Variants in DNAJB1 observed in about 807,000 individuals in gnomAD.
The protein encoded by DNAJB1 is dnaJ homolog subfamily B member 1.
DNAJB1 carries 14 observed loss-of-function variants against 24.0 expected under a neutral mutation model. That is an observed-to-expected ratio of 0.58 (90% CI 0.39 to 0.91). The LOEUF is 0.91. Among genes scored for constraint, DNAJB1 ranks in the 40% least tolerant of loss-of-function variants. The pLI is 0.00. For missense variants in DNAJB1, 517 were observed against 458.1 expected (o/e 1.13, Z -1.17); for synonymous variants, 262 against 174.4 (o/e 1.50, Z -3.96).
chr19:14,554,692 T>C (rs2073655833), upstream of DNAJB1, among the ~76,000 whole-genome samples: 1 of 152,108 alleles, frequency 6.6e-6, no homozygotes, highest in Non-Finnish European at 1.5e-5. Context: ...TCCTTCCCTG[T>C]ACCTCTCATC....
chr19:14,538,115 T>C (rs2072969741), intron 1 of DNAJB1, among the ~76,000 whole-genome samples: 1 of 152,184 alleles, frequency 6.6e-6, no homozygotes, highest in Admixed American at 6.5e-5. Flanking sequence ...GCTGTTCTTA[T>C]CTCTACTTGA....
At chr19:14,553,317 C>T (rs1375645751), upstream of DNAJB1, among the ~76,000 whole-genome samples, 1 of 152,174 alleles carries the variant, frequency 6.6e-6, no homozygotes, top group African/African-American at 2.4e-5. Flanking sequence ...GACCCTGGCA[C>T]CTCTCGTCTT....
intron 1 of DNAJB1, among the ~76,000 whole-genome samples, chr19:14,528,653 A>G (rs957974795): frequency 6.6e-6 from 1 of 150,778 alleles, no homozygotes; most frequent in African/African-American, 2.4e-5. Context: ...CAAAGTGTGG[A>G]GGGGGGCCGG....
At chr19:14,546,130 G>A (rs1472813205) in intron 1 of DNAJB1, among the ~76,000 whole-genome samples, 1 of 152,162 alleles carries the variant, frequency 6.6e-6, no homozygotes, top group Non-Finnish European at 1.5e-5. Context: ...TGCACCTGGG[G>A]TGGTCACAAA....
At chr19:14,529,422 G>T (rs377110354), upstream of DNAJB1, 2 of 604,858 alleles carry the variant, frequency 3.3e-6, no homozygotes, top group Non-Finnish European at 6.0e-6. Flanking sequence ...CCTCCTACAG[G>T]CGTTCCGCCC....
intron 1 of DNAJB1, chr19:14,517,766 G>A (rs2072298963): frequency 1.6e-5 from 3 of 190,896 alleles, no homozygotes; most frequent in East Asian, 2.5e-4. Flanking sequence ...GCGCCGCCCC[G>A]CGGACCCCGG....
intron 2 of DNAJB1, among the ~76,000 whole-genome samples, chr19:14,525,367 T>C (rs2072408572): frequency 6.6e-6 from 1 of 151,602 alleles, no homozygotes; most frequent in Non-Finnish European, 1.5e-5. Flanking sequence ...CATGAGCGAA[T>C]GTTTGCTGAG....
rs746727962 is a variant in DNAJB1 at position 14,516,447 on chromosome 19, G to GC, written c.792+18dup. The GC allele has an allele frequency of 6.2e-7, 1 of 1,605,706 alleles. No homozygotes were observed. Among genetic ancestry groups the GC allele is most frequent in the South Asian group, 1.1e-5 (1 of 90,520 alleles). On this transcript the variant is annotated intron_variant, in intron 2 of 2. Transcript: ENST00000254322. The stretch of plus-strand genomic sequence containing the variant: ...GCAGCCATCGCCCTCTACAGACACC[G>GC]CCCCACCTGGCACCTTACCTCCCGG...
At chr19:14,539,264 G>T (rs951701020) in intron 1 of DNAJB1, among the ~76,000 whole-genome samples, 1 of 148,690 alleles carries the variant, frequency 6.7e-6, no homozygotes, top group African/African-American at 2.5e-5. Flanking sequence ...AAAGTACTGG[G>T]ATTACAGGCG....
At position 14,543,407 on chromosome 19, in the gene DNAJB1, ATATATATATATATTTTTTTTTTTTTT is replaced by A. The variant is rs2073177300; in HGVS notation, c.-214+6775_-214+6800del. On this transcript the variant is annotated intron_variant, in intron 1 of 3. Transcript: ENST00000676982. ...TCAGAGAATATATATATATATATAT[ATATATATATATATTTTTTTTTTTTTT>A]TTTTTTTTTTTTTTTTTTTTTTTGA... Among the ~76,000 whole-genome samples the A allele has an allele frequency of 1.0e-3, 12 of 11,730 alleles. 1 individual carries two copies. In the South Asian group the frequency reaches 0.034, roughly 33 times the overall value. 7.7% of individuals were successfully genotyped at this position (11,730 alleles called of 152,430 possible). A position where few individuals can be genotyped will look rare whatever the true frequency, so the allele number is the denominator to read the frequency against.
intron 1 of DNAJB1, among the ~76,000 whole-genome samples, chr19:14,528,206 T>G (rs766422901): frequency 6.6e-6 from 1 of 151,400 alleles, no homozygotes; most frequent in Non-Finnish European, 1.5e-5. Flanking sequence ...GTTTTTCATT[T>G]ACAGCACATC....
At chr19:14,548,698 C>T (rs1334993305) in intron 1 of DNAJB1, among the ~76,000 whole-genome samples, 2 of 152,138 alleles carry the variant, frequency 1.3e-5, no homozygotes, top group African/African-American at 4.8e-5. Context: ...CTGTCTCAGC[C>T]TCCCAAGTAG....
In DNAJB1 at chr19:14,516,277, G is replaced by T. The variant is rs1398483412; in HGVS notation, c.793-107C>A. 3.7e-6 allele frequency: 5 copies of T among 1,368,732 alleles called. No individual in the cohort carries two copies. In the African/African-American group the frequency reaches 5.9e-5, roughly 16 times the overall value. The allele number at this position is 1,368,732 out of a possible 1,614,324, so 84.8% of individuals were successfully genotyped here. A position where few individuals can be genotyped will look rare whatever the true frequency, so the allele number is the denominator to read the frequency against. On this transcript the variant is annotated intron_variant, in intron 2 of 2. Coordinates refer to ENST00000254322, the MANE Select transcript of DNAJB1 (RefSeq NM_006145.3). The stretch of plus-strand genomic sequence containing the variant: ...AGACCCATCAGGCCTCTGCAGCTAA[G>T]ACCTGGCCCCCAAATCTACACGTCC...
intron 1 of DNAJB1, 127 bp from the exon 2 acceptor site, chr19:14,517,173 G>GTA: frequency 1.1e-6 from 1 of 937,198 alleles, no homozygotes; most frequent in Non-Finnish European, 1.6e-6. Context: ...GGAGAGCAAG[G>GTA]AAGAACCCCA....
upstream of DNAJB1, chr19:14,529,792 T>G: frequency 6.3e-7 from 1 of 1,597,002 alleles, no homozygotes; most frequent in Non-Finnish European, 8.6e-7. Flanking sequence ...GGACCCCACT[T>G]TCTGGTCCTG....
chr19:14,550,744 G>C (rs1007330731), upstream of DNAJB1, among the ~76,000 whole-genome samples: 3 of 152,112 alleles, frequency 2.0e-5, no homozygotes, highest in African/African-American at 7.2e-5. Flanking sequence ...ATAGTGGCGT[G>C]ATCTCAGCTC....
At chr19:14,522,687 C>CACAGACACAG (rs762546547), upstream of DNAJB1, among the ~76,000 whole-genome samples, 7 of 71,716 alleles carry the variant, frequency 9.8e-5, no homozygotes, top group African/African-American at 2.7e-4. Context: ...CACACAGACA[C>CACAGACACAG]ACACACACAC....
chr19:14,553,633 A>G (rs1313715088), upstream of DNAJB1, among the ~76,000 whole-genome samples: 1 of 152,078 alleles, frequency 6.6e-6, no homozygotes, highest in Non-Finnish European at 1.5e-5. Flanking sequence ...GTGGGAAGGA[A>G]AGGGAGCCGA....
chr19:14,526,924 C>G (rs562729201), intron 2 of DNAJB1, among the ~76,000 whole-genome samples: 1 of 152,084 alleles, frequency 6.6e-6, no homozygotes, highest in Middle Eastern at 3.2e-3. Context: ...TGGTCTCAGG[C>G]CGAGTGGGAT....
Sources: gnomAD v4.1 joint callset for allele counts (sites outside exome capture counted in the v4.1 genomes callset) on GRCh38, gnomAD v4.1.1 for gene constraint, MANE v1.5 for transcripts, NCBI Gene and HGNC (gene_info 2026-07-23, HGNC 2026-07-21) for gene names.